SASH1: variants seen among roughly 807,000 people sequenced by gnomAD.
SASH1 encodes SAM and SH3 domain containing 1.
Under a neutral mutation model 125.2 loss-of-function variants are expected in SASH1, and 44 were observed. That is an observed-to-expected ratio of 0.35 (90% confidence interval 0.28 to 0.45). The LOEUF (loss-of-function observed/expected upper bound fraction) is 0.45, where lower values mean the gene tolerates loss of function less well. SASH1 is among the 20% of genes least tolerant of loss of function. The pLI is 1.00. For missense variants in SASH1, 1,426 were observed against 1,614.5 expected, an observed-to-expected ratio of 0.88 and a Z score of 2.00; for synonymous variants, 639 against 649.1, an observed-to-expected ratio of 0.98 and a Z score of 0.24.
chr6:148,318,249 A>C (rs1173909184), intron 1 of SASH1, among the ~76,000 whole-genome samples: 1 of 152,252 alleles, frequency 6.6e-6, no homozygotes, highest in Admixed American at 6.5e-5. Context: ...ATGTTTTGCC[A>C]GGCAATGAAT....
At chr6:148,447,807 C>T (rs534550973) in intron 4 of SASH1, among the ~76,000 whole-genome samples, 1 of 152,198 alleles carries the variant, frequency 6.6e-6, no homozygotes, top group East Asian at 1.9e-4. Flanking sequence ...CACCTTAGCC[C>T]TTGCTATGTG....
At chr6:148,366,798 G>A (rs1325353562) in intron 1 of SASH1, among the ~76,000 whole-genome samples, 2 of 151,952 alleles carry the variant, frequency 1.3e-5, no homozygotes, top group Admixed American at 6.6e-5. Context: ...GGGTTTCACC[G>A]TATTGGTCAG....
intron 2 of SASH1, among the ~76,000 whole-genome samples, chr6:148,414,408 C>A (rs1407871452): frequency 6.6e-6 from 1 of 152,070 alleles, no homozygotes; most frequent in Non-Finnish European, 1.5e-5. Context: ...GAAACCTTGG[C>A]ATTGCCACTT....
chr6:148,338,426 C>CAAAA (rs5880773), upstream of SASH1, among the ~76,000 whole-genome samples: 1 of 133,064 alleles, frequency 7.5e-6, no homozygotes, highest in Non-Finnish European at 1.6e-5. Flanking sequence ...GACTCCATCT[C>CAAAA]AAAAAAAAAA....
intron 1 of SASH1, among the ~76,000 whole-genome samples, chr6:148,347,914 G>C (rs111296766): frequency 1.5e-3 from 222 of 152,248 alleles, no homozygotes; most frequent in African/African-American, 4.9e-3. Context: ...ACTTACTCAG[G>C]GTAACAGAGA....
chr6:148,304,363 A>G (rs1582940941), intron 1 of SASH1, among the ~76,000 whole-genome samples: 1 of 151,308 alleles, frequency 6.6e-6, no homozygotes, highest in East Asian at 1.9e-4. Flanking sequence ...TGAACCCGGG[A>G]GGCAGAGCTT....
At chr6:148,531,426 T>C (rs925894117) in intron 12 of SASH1, 100 bp from the exon 13 acceptor site, 3 of 1,044,454 alleles carry the variant, frequency 2.9e-6, no homozygotes, top group East Asian at 2.8e-5. Flanking sequence ...TAGGTATAGA[T>C]TGATTTGATT....
chr6:148,237,170 AG>A, the SASH1 span, among the ~76,000 whole-genome samples: 1 of 150,086 alleles, frequency 6.7e-6, no homozygotes, highest in South Asian at 2.2e-4. Flanking sequence ...GAACAGTGAA[AG>A]GTTTTATCTG....
chr6:148,392,243 G>C (rs1006429374), intron 2 of SASH1, among the ~76,000 whole-genome samples: 1 of 147,218 alleles, frequency 6.8e-6, no homozygotes, highest in East Asian at 2.0e-4. Context: ...CCGAGATCGC[G>C]CCATTGCACT....
chr6:148,455,157 C>T (rs1251883902), intron 4 of SASH1, among the ~76,000 whole-genome samples: 1 of 152,166 alleles, frequency 6.6e-6, no homozygotes, highest in Non-Finnish European at 1.5e-5. Flanking sequence ...CTGCACATCA[C>T]AATTACTTGG....
At chr6:148,446,979 G>A (rs951272629) in intron 4 of SASH1, among the ~76,000 whole-genome samples, 8 of 152,182 alleles carry the variant, frequency 5.3e-5, no homozygotes, top group South Asian at 4.2e-4. Context: ...AATCGTGTTC[G>A]TTAGCATCAA....
chr6:148,484,063 T>G (rs1482195020), intron 7 of SASH1, among the ~76,000 whole-genome samples: 2 of 151,950 alleles, frequency 1.3e-5, no homozygotes, highest in Non-Finnish European at 1.5e-5. Flanking sequence ...TTTGTTTGTT[T>G]TTTAAAATCT....
rs139855803 is a variant in SASH1, at chr6:148,549,229, C to T, written c.*671C>T. 1,704 of 183,836 alleles carry T rather than the reference C, an allele frequency of 9.3e-3. 13 individuals are homozygous for T. The highest frequency in any genetic ancestry group is 0.011 in the Non-Finnish European group (972 of 89,430). 11.4% of individuals were successfully genotyped at this position (183,836 alleles called of 1,614,324 possible). A position where few individuals can be genotyped will look rare whatever the true frequency, so the allele number is the denominator to read the frequency against. On this transcript the variant is annotated 3_prime_UTR_variant, in exon 20 of 20. Transcript: ENST00000367467. ...CATACTTCCACATCTTCAGCTTAGG[C>T]AGACATCGAACCTCTCTGGGATGTT...
chr6:148,231,215 C>T, the SASH1 span, among the ~76,000 whole-genome samples: 1 of 152,188 alleles, frequency 6.6e-6, no homozygotes, highest in Admixed American at 6.5e-5. Context: ...TTAATTCCAG[C>T]ATTATTTGTT....
At chr6:148,387,497 TTCTC>T (rs200134729) in intron 1 of SASH1, among the ~76,000 whole-genome samples, 15 of 137,068 alleles carry the variant, frequency 1.1e-4, no homozygotes, top group Non-Finnish European at 1.4e-4. Context: ...CCCTTCTCTC[TTCTC>T]TCTCTTTCTT....
chr6:148,427,989 G>A (rs1046380672), intron 2 of SASH1, among the ~76,000 whole-genome samples: 5 of 152,236 alleles, frequency 3.3e-5, no homozygotes, highest in Non-Finnish European at 7.3e-5. Context: ...GAGTAATAGT[G>A]TGTTATCTCT....
chr6:148,358,956 T>C (rs1014058339), intron 1 of SASH1, among the ~76,000 whole-genome samples: 1 of 151,978 alleles, frequency 6.6e-6, no homozygotes, highest in East Asian at 1.9e-4. Flanking sequence ...AGGATGGTCT[T>C]GATCTCCTGA....
chr6:148,528,567 C>T (rs948834179), intron 12 of SASH1, among the ~76,000 whole-genome samples: 1 of 152,180 alleles, frequency 6.6e-6, no homozygotes, highest in African/African-American at 2.4e-5. Flanking sequence ...ACAGCAGCTT[C>T]AGTTGATTAC....
At chr6:148,517,235 G>T (rs1484248836) in intron 9 of SASH1, among the ~76,000 whole-genome samples, 1 of 152,162 alleles carries the variant, frequency 6.6e-6, no homozygotes, top group African/African-American at 2.4e-5. Context: ...CAGAGGCTCA[G>T]AGCCAGGAAG....
Sources: gnomAD v4.1 joint callset for allele counts (sites outside exome capture counted in the v4.1 genomes callset) on GRCh38, gnomAD v4.1.1 for gene constraint, MANE v1.5 for transcripts, NCBI Gene and HGNC (gene_info 2026-07-23, HGNC 2026-07-21) for gene names.